STK3: variants seen among roughly 807,000 people sequenced by gnomAD.
The protein encoded by STK3 is serine/threonine kinase 3.
Under a neutral mutation model 58.0 loss-of-function variants are expected in STK3, and 41 were observed. The ratio of observed to expected loss-of-function variants is 0.71; its 90% CI spans 0.55 to 0.92. STK3 has a LOEUF of 0.92. Ranked by LOEUF, STK3 falls within the 40% of genes least tolerant of loss-of-function variation. The pLI, the probability that STK3 is intolerant of heterozygous loss-of-function variation, is 0.00. For missense variants in STK3, 479 were observed against 602.7 expected (o/e 0.79, Z 2.15); for synonymous variants, 170 against 191.0 (o/e 0.89, Z 0.91).
chr8:98,380,002 T>C (rs1337269211), intron 1 of STK3, among the ~76,000 whole-genome samples: 1 of 152,196 alleles, frequency 6.6e-6, no homozygotes, highest in Non-Finnish European at 1.5e-5. Context: ...TGGGACAACA[T>C]GGATGAATCT....
At chr8:98,463,605 G>A (rs1288911238) in intron 10 of STK3, among the ~76,000 whole-genome samples, 3 of 152,086 alleles carry the variant, frequency 2.0e-5, no homozygotes, top group African/African-American at 4.8e-5. Flanking sequence ...AGAAAGAGTT[G>A]TCAGTAAAAT....
At chr8:98,886,058 G>A (rs535791627) in intron 1 of STK3, among the ~76,000 whole-genome samples, 1 of 152,330 alleles carries the variant, frequency 6.6e-6, no homozygotes, top group South Asian at 2.1e-4. Flanking sequence ...GGAGTGAGAA[G>A]AGGGCGAAAG....
intron 10 of STK3, among the ~76,000 whole-genome samples, chr8:98,520,672 T>C (rs548901143): frequency 2.6e-5 from 4 of 152,228 alleles, no homozygotes; most frequent in African/African-American, 9.6e-5. Context: ...TTAGGAATTA[T>C]ATAAAATACA....
Position 98,459,580 on chromosome 8 carries a change from C to G in STK3, c.1318-3580G>C, listed in dbSNP as rs189228078. 4.7e-4 allele frequency among the ~76,000 whole-genome samples: 71 copies of G among 152,358 alleles called. 1 individual carries two copies. In the East Asian group the frequency reaches 0.013, roughly 27 times the overall value. On this transcript the variant is annotated intron_variant, in intron 10 of 10. Transcript: ENST00000419617. ...AATGTCTCCAGGGCATGTCAGAGAT[C>G]TTGCCAGCAGCCCCATTTCATCACA...
rs1360071699 is a variant in STK3 at position 98,800,773 on chromosome 8, C to T, written c.26+24742G>A. 1.3e-5 allele frequency among the ~76,000 whole-genome samples: 2 copies of T among 152,216 alleles called. No homozygotes were observed. Among genetic ancestry groups the T allele is most frequent in the East Asian group, 1.9e-4 (1 of 5,192 alleles). On this transcript the variant is annotated intron_variant, in intron 1 of 10. Coordinates refer to ENST00000419617, the MANE Select transcript of STK3 (RefSeq NM_006281.4). The surrounding 1 kb of genome is among the most constrained non-coding windows in gnomAD (Gnocchi z 4.8). ...GGGGCACCGGGTACCCCAGCACTGC[C>T]GGCCCTCCCGCGCTGAGCTCGAATT...
intron 6 of STK3, chr8:98,597,219 T>G: frequency 1.1e-6 from 1 of 934,824 alleles, no homozygotes; most frequent in Non-Finnish European, 1.3e-6. Flanking sequence ...TGCAGCCATT[T>G]AATATAATGC....
At chr8:98,645,278 ATCC>A (rs1820315952) in intron 6 of STK3, among the ~76,000 whole-genome samples, 1 of 152,228 alleles carries the variant, frequency 6.6e-6, no homozygotes, top group African/African-American at 2.4e-5. Flanking sequence ...CAGCGTGTTC[ATCC>A]TCCTACTCAG....
At chr8:98,762,274 G>A (rs1252160752) in intron 3 of STK3, among the ~76,000 whole-genome samples, 1 of 151,846 alleles carries the variant, frequency 6.6e-6, no homozygotes, top group Non-Finnish European at 1.5e-5. Flanking sequence ...TTTTGTTTTT[G>A]AGATGGAGTC....
upstream of STK3, among the ~76,000 whole-genome samples, chr8:98,393,113 G>C (rs1375707214): frequency 1.3e-5 from 2 of 152,216 alleles, no homozygotes; most frequent in East Asian, 3.8e-4. Context: ...CTAGGAAGGA[G>C]AGAGCACTCA....
At position 98,805,331 on chromosome 8, in the gene STK3, G is replaced by A. The variant is rs191539037; in HGVS notation, c.26+20184C>T. On this transcript the variant is annotated intron_variant, in intron 1 of 10. Coordinates refer to ENST00000419617, the MANE Select transcript of STK3 (RefSeq NM_006281.4). ...GCGGTGGCTCACGCCTGTAATCCCA[G>A]CACTTTGGGAGGCCGAGGCGGGCAG... 8.5e-3 allele frequency among the ~76,000 whole-genome samples: 1,298 copies of A among 152,284 alleles called. 10 individuals are homozygous for A. The highest frequency in any genetic ancestry group is 0.029 in the African/African-American group (1,224 of 41,532).
rs529469363 is a variant in STK3 at position 98,690,254 on chromosome 8, A to G, written c.684+16213T>C. Among the ~76,000 whole-genome samples, 6 of 152,294 alleles carry G rather than the reference A, an allele frequency of 3.9e-5. No individual in the cohort carries two copies. The South Asian group carries it at 1.2e-3, about 32-fold the overall frequency. On this transcript the variant is annotated intron_variant, in intron 6 of 10. Coordinates refer to ENST00000419617, the MANE Select transcript of STK3 (RefSeq NM_006281.4). ...AAATAGGAAAAAAAGAAGTCAAATTATCTCTCTTCACTGACAATATAATTG... is the reference window on the plus strand; with the variant it reads ...AAATAGGAAAAAAAGAAGTCAAATTGTCTCTCTTCACTGACAATATAATTG...
intron 6 of STK3, among the ~76,000 whole-genome samples, chr8:98,606,876 C>G (rs1196288689): frequency 6.6e-6 from 1 of 152,150 alleles, no homozygotes; most frequent in African/African-American, 2.4e-5. Context: ...GTCATTCTAG[C>G]AAGTTATCAA....
At chr8:98,368,107 C>A (rs181339690), downstream of STK3, among the ~76,000 whole-genome samples, 90 of 152,326 alleles carry the variant, frequency 5.9e-4, no homozygotes, top group Non-Finnish European at 9.6e-4. Context: ...CACACTCTCT[C>A]CCTTGTTTGA....
At chr8:98,411,307 A>G (rs1031729495) in intron 3 of STK3, among the ~76,000 whole-genome samples, 1 of 152,204 alleles carries the variant, frequency 6.6e-6, no homozygotes, top group African/African-American at 2.4e-5. Flanking sequence ...AAAATCTATC[A>G]CCTTACAACT....
intron 3 of STK3, among the ~76,000 whole-genome samples, chr8:98,836,095 G>T (rs1292600213): frequency 1.3e-5 from 2 of 152,104 alleles, no homozygotes; most frequent in Admixed American, 1.3e-4. Flanking sequence ...CAGCTACTTG[G>T]GAGGCTGAGG....
In STK3 at chr8:98,903,334, A is replaced by G. The variant is rs78073844; in HGVS notation, c.-78-19500T>C. On this transcript the variant is annotated intron_variant, in intron 1 of 1. Coordinates refer to the STK3 transcript ENST00000519420. ...TTGAGTTTTTATGGGCAGGTGATAG[A>G]AAACTTGAATAAACTTTTAGCAATG... is the stretch of plus-strand genomic sequence containing the variant. Among the ~76,000 whole-genome samples the G allele has an allele frequency of 9.7e-3, 1,484 of 152,348 alleles. 28 individuals carry two copies. Among genetic ancestry groups the G allele is most frequent in the African/African-American group, 0.034 (1,414 of 41,578 alleles).
At chr8:98,380,760 G>A (rs1434602589) in intron 1 of STK3, among the ~76,000 whole-genome samples, 1 of 152,042 alleles carries the variant, frequency 6.6e-6, no homozygotes, top group African/African-American at 2.4e-5. Flanking sequence ...ATGCTTTCAT[G>A]GGATTTTGGG....
chr8:98,382,909 C>A (rs1428583041), intron 1 of STK3, among the ~76,000 whole-genome samples: 1 of 152,160 alleles, frequency 6.6e-6, no homozygotes, highest in African/African-American at 2.4e-5. Flanking sequence ...GTTTCAAAGT[C>A]CAGGCAGGCC....
At chr8:98,932,912 A>G (rs1840051803) in intron 1 of STK3, among the ~76,000 whole-genome samples, 1 of 152,218 alleles carries the variant, frequency 6.6e-6, no homozygotes. Flanking sequence ...TCATAAGAGA[A>G]AGAGCCTTTT....
Sources: gnomAD v4.1 joint callset for allele counts (sites outside exome capture counted in the v4.1 genomes callset) on GRCh38, gnomAD v4.1.1 for gene constraint, Gnocchi (gnomAD v3.1) non-coding constraint, MANE v1.5 for transcripts, NCBI Gene and HGNC (gene_info 2026-07-23, HGNC 2026-07-21) for gene names.